Variants in BORCS5 observed in about 807,000 individuals in gnomAD.
BORCS5 encodes BLOC-1-related complex subunit 5.
In BORCS5, 17 loss-of-function variants were observed where a neutral mutation model predicts 22.1. The observed-to-expected ratio is 0.77, with a 90% CI of 0.53 to 1.15. The LOEUF (loss-of-function observed/expected upper bound fraction) is 1.15. Ranked by LOEUF, BORCS5 falls within the 50% of genes most tolerant of loss-of-function variation. The probability of loss-of-function intolerance (pLI) is 0.00; values close to 1 mark genes in which losing one functional copy is unlikely to be tolerated. For missense variants in BORCS5, 247 were observed against 253.2 expected (o/e 0.98, Z 0.17); for synonymous variants, 117 against 99.8 (o/e 1.17, Z -1.03).
chr12:12,457,746 A>G (rs1188941423), intron 3 of BORCS5, among the ~76,000 whole-genome samples: 1 of 152,244 alleles, frequency 6.6e-6, no homozygotes, highest in Non-Finnish European at 1.5e-5. Flanking sequence ...TAGTCTGCCC[A>G]CAGAGGAGGT....
chr12:12,383,514 T>G (rs150213222), intron 2 of BORCS5, among the ~76,000 whole-genome samples: 13 of 151,540 alleles, frequency 8.6e-5, no homozygotes, highest in African/African-American at 3.1e-4. Flanking sequence ...GTCACTTCCT[T>G]TTACCCTGAA....
chr12:12,425,896 TAC>T (rs1942274969), intron 2 of BORCS5, among the ~76,000 whole-genome samples: 1 of 152,338 alleles, frequency 6.6e-6, no homozygotes, highest in South Asian at 2.1e-4. Flanking sequence ...AATTGACTAC[TAC>T]AGTTGGTGAC....
chr12:12,433,842 A>G (rs1484405472), intron 2 of BORCS5, among the ~76,000 whole-genome samples: 1 of 152,226 alleles, frequency 6.6e-6, no homozygotes, highest in East Asian at 1.9e-4. Flanking sequence ...AGCATCGACC[A>G]GCATTTCCCA....
intron 3 of BORCS5, among the ~76,000 whole-genome samples, chr12:12,462,292 G>A (rs754898688): frequency 6.6e-6 from 1 of 152,218 alleles, no homozygotes; most frequent in Non-Finnish European, 1.5e-5. Flanking sequence ...CTACCTTGCA[G>A]ATGAGGAAAC....
chr12:12,451,488 A>C (rs1942908377), intron 3 of BORCS5, among the ~76,000 whole-genome samples: 2 of 150,536 alleles, frequency 1.3e-5, no homozygotes, highest in South Asian at 4.2e-4. Context: ...AGTAGCCAAT[A>C]CATAGAGGCA....
In BORCS5 at chr12:12,465,677, C is replaced by T. The variant is rs1943188431; in HGVS notation, c.492C>T (p.Asp164=). The T allele has an allele frequency of 6.2e-7, 1 of 1,614,258 alleles. No individual in the cohort carries two copies. Among genetic ancestry groups the T allele is most frequent in the Non-Finnish European group, 8.5e-7 (1 of 1,180,046 alleles). The change falls in exon 4 of 4, where the codon GAC becomes GAT. Residue 164 remains aspartate (D), a synonymous_variant. Transcript: ENST00000314565. ...AILRRIQMGI[D]QTVPLLDRLN... ...TCCGCCGCATACAGATGGGCATCGACCAGACTGTGCCCCTGCTGGACAGGC... is the reference window on the plus strand; with the variant it reads ...TCCGCCGCATACAGATGGGCATCGATCAGACTGTGCCCCTGCTGGACAGGC...
chr12:12,437,830 A>G (rs537459860), intron 3 of BORCS5, among the ~76,000 whole-genome samples: 3 of 152,140 alleles, frequency 2.0e-5, no homozygotes, highest in Non-Finnish European at 4.4e-5. Context: ...GATAACATTC[A>G]TAGCTCGTTG....
chr12:12,381,517 T>C (rs1022387358), intron 2 of BORCS5, among the ~76,000 whole-genome samples: 2 of 151,230 alleles, frequency 1.3e-5, no homozygotes, highest in African/African-American at 2.4e-5. Flanking sequence ...AATGTAAGGG[T>C]TTATTTCTGG....
At chr12:12,358,011 A>G (rs896899281) in intron 1 of BORCS5, among the ~76,000 whole-genome samples, 1 of 152,242 alleles carries the variant, frequency 6.6e-6, no homozygotes, top group South Asian at 2.1e-4. Flanking sequence ...TCCGTTTTCT[A>G]ATCTTGTAGA....
intron 2 of BORCS5, among the ~76,000 whole-genome samples, chr12:12,410,553 T>C (rs942649397): frequency 2.0e-5 from 3 of 152,112 alleles, no homozygotes; most frequent in Admixed American, 6.5e-5. Flanking sequence ...GCGGCATTAT[T>C]TCTGAGGGCT....
chr12:12,370,257 C>T (rs1863497194), intron 2 of BORCS5, among the ~76,000 whole-genome samples: 1 of 151,900 alleles, frequency 6.6e-6, no homozygotes, highest in African/African-American at 2.4e-5. Flanking sequence ...CTCCAGTTTC[C>T]ATTTGATGTC....
At chr12:12,362,839 T>TG (rs151335089) in intron 2 of BORCS5, among the ~76,000 whole-genome samples, 11,799 of 151,400 alleles carry the variant, frequency 0.078, 1,082 homozygotes, top group East Asian at 0.34. Flanking sequence ...TTAGTTGAGA[T>TG]GGGGTTTCAC....
chr12:12,411,926 T>C (rs1300737403), intron 2 of BORCS5, among the ~76,000 whole-genome samples: 1 of 152,178 alleles, frequency 6.6e-6, no homozygotes, highest in African/African-American at 2.4e-5. Flanking sequence ...CCCCCAACAA[T>C]CATATGACTT....
At chr12:12,385,030 G>A (rs1420810291) in intron 2 of BORCS5, among the ~76,000 whole-genome samples, 2 of 151,426 alleles carry the variant, frequency 1.3e-5, no homozygotes, top group African/African-American at 2.4e-5. Context: ...GATCAGGAAG[G>A]CTTCTGTCAT....
chr12:12,458,512 T>G (rs1444605729), intron 3 of BORCS5, among the ~76,000 whole-genome samples: 1 of 152,138 alleles, frequency 6.6e-6, no homozygotes, highest in East Asian at 1.9e-4. Flanking sequence ...TCATAGGGAA[T>G]AAAATATTAT....
At chr12:12,461,790 G>C (rs1388230932) in intron 3 of BORCS5, among the ~76,000 whole-genome samples, 1 of 152,186 alleles carries the variant, frequency 6.6e-6, no homozygotes, top group Non-Finnish European at 1.5e-5. Flanking sequence ...AAGCTGCCAG[G>C]AGAGACTTCT....
chr12:12,379,912 C>T (rs529622721), intron 2 of BORCS5, among the ~76,000 whole-genome samples: 4 of 151,522 alleles, frequency 2.6e-5, no homozygotes, highest in African/African-American at 9.7e-5. Flanking sequence ...ACCTTCCTCA[C>T]TCTAGCTTTT....
At chr12:12,394,194 T>C (rs562276168) in intron 2 of BORCS5, among the ~76,000 whole-genome samples, 3 of 151,828 alleles carry the variant, frequency 2.0e-5, no homozygotes, top group Admixed American at 2.0e-4. Context: ...GGTATGGTAG[T>C]GCACACCTGT....
At chr12:12,402,373 T>G (rs1941500733) in intron 2 of BORCS5, among the ~76,000 whole-genome samples, 1 of 152,190 alleles carries the variant, frequency 6.6e-6, no homozygotes, top group Non-Finnish European at 1.5e-5. Context: ...CTGTCATATT[T>G]GAATTGAGTG....
Sources: gnomAD v4.1 joint callset for allele counts (sites outside exome capture counted in the v4.1 genomes callset) on GRCh38, gnomAD v4.1.1 for gene constraint, MANE v1.5 for transcripts, NCBI Gene and HGNC (gene_info 2026-07-23, HGNC 2026-07-21) for gene names.